Variants in MYT1L observed in about 807,000 individuals in gnomAD.
The protein encoded by MYT1L is myelin transcription factor 1-like protein.
In MYT1L, 12 loss-of-function variants were observed where a neutral mutation model predicts 126.7. That is an observed-to-expected ratio of 0.09 (90% CI 0.06 to 0.15). MYT1L has a LOEUF of 0.15. Among genes scored for constraint, MYT1L ranks in the 10% least tolerant of loss-of-function variants. The pLI is 1.00. For synonymous variants in MYT1L, 541 were observed against 604.2 expected, an observed-to-expected ratio of 0.90 and a Z score of 1.53; for missense variants, 979 against 1,585.2, an observed-to-expected ratio of 0.62 and a Z score of 6.49.
At chr2:1,905,846 T>C (rs945781464) in intron 13 of MYT1L, among the ~76,000 whole-genome samples, 1 of 152,262 alleles carries the variant, frequency 6.6e-6, no homozygotes, top group Non-Finnish European at 1.5e-5. Flanking sequence ...ATATTTTGAT[T>C]GTTCTCCCTG....
intron 2 of MYT1L, among the ~76,000 whole-genome samples, chr2:2,230,342 G>C (rs17338428): frequency 0.081 from 12,311 of 152,262 alleles, 566 homozygotes; most frequent in South Asian, 0.13. Flanking sequence ...GTTTCCTTTT[G>C]CTGGGATGCA....
intron 18 of MYT1L, among the ~76,000 whole-genome samples, chr2:1,884,714 A>G (rs891690138): frequency 6.6e-6 from 1 of 152,222 alleles, no homozygotes; most frequent in Non-Finnish European, 1.5e-5. Flanking sequence ...GTTTAGACAC[A>G]TGTGTGGCTT....
chr2:2,313,518 T>A (rs1159763753), intron 1 of MYT1L, among the ~76,000 whole-genome samples: 1 of 149,448 alleles, frequency 6.7e-6, no homozygotes, highest in East Asian at 2.0e-4. Flanking sequence ...AAATACCTGT[T>A]TTTTTTTTTA....
intron 1 of MYT1L, among the ~76,000 whole-genome samples, chr2:2,286,143 C>CG (rs1559554226): frequency 6.6e-6 from 1 of 152,114 alleles, no homozygotes; most frequent in African/African-American, 2.4e-5. Flanking sequence ...CCACCACCCC[C>CG]GGCTAATTTT....
At chr2:2,165,658 A>G (rs755206622) in intron 3 of MYT1L, among the ~76,000 whole-genome samples, 1 of 152,174 alleles carries the variant, frequency 6.6e-6, no homozygotes, top group African/African-American at 2.4e-5. Context: ...TTATTATTCT[A>G]AAGAATTTCT....
intron 3 of MYT1L, among the ~76,000 whole-genome samples, chr2:2,103,994 C>T (rs370520215): frequency 7.0e-4 from 106 of 152,346 alleles, no homozygotes; most frequent in African/African-American, 2.3e-3. Context: ...AGCCACCTTT[C>T]TCTATCAGGG....
chr2:2,005,127 C>A (rs1232571493), intron 4 of MYT1L, among the ~76,000 whole-genome samples: 2 of 151,222 alleles, frequency 1.3e-5, no homozygotes, highest in South Asian at 2.1e-4. Flanking sequence ...TGCCTTCTTT[C>A]CTGCATGCAT....
intron 18 of MYT1L, among the ~76,000 whole-genome samples, chr2:1,862,170 C>T (rs1232518358): frequency 2.6e-5 from 4 of 151,852 alleles, no homozygotes; most frequent in Non-Finnish European, 4.4e-5. Context: ...CATATTCTTC[C>T]TTTCTACCAC....
chr2:1,901,991 A>T (rs2050401941), intron 14 of MYT1L, among the ~76,000 whole-genome samples: 1 of 152,168 alleles, frequency 6.6e-6, no homozygotes, highest in Non-Finnish European at 1.5e-5. Flanking sequence ...AAGCTTGATG[A>T]CCTTTTTTAA....
At chr2:2,300,359 A>C (rs1010918045) in intron 1 of MYT1L, among the ~76,000 whole-genome samples, 1 of 152,204 alleles carries the variant, frequency 6.6e-6, no homozygotes, top group African/African-American at 2.4e-5. Flanking sequence ...AAAACAGTGG[A>C]AGCAAAGCAG....
At chr2:2,296,073 A>G (rs1296753465) in intron 1 of MYT1L, among the ~76,000 whole-genome samples, 1 of 152,180 alleles carries the variant, frequency 6.6e-6, no homozygotes. Flanking sequence ...TAGGATAAAT[A>G]TAGAAAATAT....
chr2:2,146,290 T>C (rs776975274), intron 3 of MYT1L, among the ~76,000 whole-genome samples: 1 of 152,250 alleles, frequency 6.6e-6, no homozygotes, highest in Non-Finnish European at 1.5e-5. Context: ...ATAACTGTTC[T>C]GTCATGGAGA....
chr2:1,943,010 C>A lies in MYT1L; in HGVS notation c.477G>T (p.Glu159Asp), dbSNP rs1558482063. Residue 159 changes from glutamate (E) to aspartate (D), a missense_variant, in exon 9 of 25, where the codon GAG (glutamate) becomes GAT (aspartate). Coordinates refer to ENST00000647738, the MANE Select transcript of MYT1L (RefSeq NM_001303052.2). This position sits in a 1 kb window ranked among gnomAD's most constrained non-coding sequence, Gnocchi z 4.4. ...TTTCTTCTTCCTCTTCCTCCTCCTCCTCCTCCTCCTCTTCCTCTTCTTCAT... is the reference window on the plus strand; with the variant it reads ...TTTCTTCTTCCTCTTCCTCCTCCTCATCCTCCTCCTCTTCCTCTTCTTCAT... ...VEDEEEEEEE[E>D]EEEEEEEENE... 1 of 1,533,718 alleles carries A rather than the reference C, an allele frequency of 6.5e-7. No individual in the cohort carries two copies. Among genetic ancestry groups the A allele is most frequent in the African/African-American group, 1.4e-5 (1 of 72,698 alleles).
chr2:2,104,048 A>T (rs1159553354), intron 3 of MYT1L, among the ~76,000 whole-genome samples: 1 of 152,212 alleles, frequency 6.6e-6, no homozygotes, highest in Non-Finnish European at 1.5e-5. Context: ...AGAGTTCAGG[A>T]TAGTTGACAA....
At chr2:2,009,269 TTGTGTTAAATC>T in intron 4 of MYT1L, among the ~76,000 whole-genome samples, 2 of 152,296 alleles carry the variant, frequency 1.3e-5, no homozygotes, top group East Asian at 3.9e-4. Context: ...TTAATAGGGA[TTGTGTTAAATC>T]TGTATATTAC....
At chr2:2,298,582 A>G (rs1218028876) in intron 1 of MYT1L, among the ~76,000 whole-genome samples, 1 of 152,220 alleles carries the variant, frequency 6.6e-6, no homozygotes, top group Non-Finnish European at 1.5e-5. Context: ...ACCTTGAAAA[A>G]TAGATACCTT....
At chr2:1,982,177 TGA>T (rs2060658542) in intron 5 of MYT1L, among the ~76,000 whole-genome samples, 1 of 152,120 alleles carries the variant, frequency 6.6e-6, no homozygotes, top group African/African-American at 2.4e-5. Flanking sequence ...AGAGATGAAC[TGA>T]GAGTCAAGAA....
intron 22 of MYT1L, among the ~76,000 whole-genome samples, chr2:1,803,165 C>A (rs2035149348): frequency 6.6e-6 from 1 of 152,110 alleles, no homozygotes; most frequent in South Asian, 2.1e-4. Context: ...AAAAGTTATA[C>A]CCTCAAGATA....
chr2:2,168,415 T>C (rs1025106672), intron 3 of MYT1L, among the ~76,000 whole-genome samples: 2 of 152,230 alleles, frequency 1.3e-5, no homozygotes, highest in African/African-American at 4.8e-5. Flanking sequence ...GGGGTGCATA[T>C]GGAAAGTTCT....
Sources: gnomAD v4.1 joint callset for allele counts (sites outside exome capture counted in the v4.1 genomes callset) on GRCh38, gnomAD v4.1.1 for gene constraint, Gnocchi (gnomAD v3.1) non-coding constraint, MANE v1.5 for transcripts, NCBI Gene and HGNC (gene_info 2026-07-23, HGNC 2026-07-21) for gene names.